SPINK4: variants seen among roughly 807,000 people sequenced by gnomAD.
SPINK4 encodes serine protease inhibitor Kazal-type 4.
Under a neutral mutation model 12.3 loss-of-function variants are expected in SPINK4, and 10 were observed. The observed-to-expected ratio is 0.81, with a 90% CI of 0.50 to 1.37. SPINK4 has a LOEUF of 1.37. Ranked by LOEUF, SPINK4 falls within the 40% of genes most tolerant of loss-of-function variation. The pLI, the probability that SPINK4 is intolerant of heterozygous loss-of-function variation, is 0.00. For missense variants in SPINK4, 91 were observed against 109.0 expected (o/e 0.84, Z 0.73); for synonymous variants, 37 against 40.2 (o/e 0.92, Z 0.30).
chr9:33,242,371 G>T (rs552478723), intron 1 of SPINK4, among the ~76,000 whole-genome samples: 32 of 152,294 alleles, frequency 2.1e-4, no homozygotes, highest in African/African-American at 7.5e-4. Context: ...TTCACTGGGG[G>T]GCAGCATCAA....
chr9:33,245,744 G>A (rs1310783236), intron 2 of SPINK4, among the ~76,000 whole-genome samples: 2 of 152,130 alleles, frequency 1.3e-5, no homozygotes, highest in East Asian at 1.9e-4. Flanking sequence ...CCTCAGCATC[G>A]TCCCCGTCAG....
intron 1 of SPINK4, among the ~76,000 whole-genome samples, chr9:33,244,211 T>C (rs1016259143): frequency 1.3e-5 from 2 of 152,234 alleles, no homozygotes; most frequent in Non-Finnish European, 2.9e-5. Context: ...TCATGTCCTT[T>C]AAGCAGTTCA....
intron 3 of SPINK4, 31 bp downstream of exon 3, chr9:33,246,759 G>T (rs1415779167): frequency 2.5e-6 from 4 of 1,600,256 alleles, no homozygotes; most frequent in Non-Finnish European, 3.4e-6. Context: ...CTGCTTGCTT[G>T]GGTGGGCCCC....
chr9:33,240,214 C>T lies in SPINK4; in HGVS notation c.6C>T (p.Ala2=), dbSNP rs145317369. 1.9e-5 allele frequency: 31 copies of T among 1,605,522 alleles called. No homozygotes were observed. The highest frequency in any genetic ancestry group is 5.6e-5 in the South Asian group (5 of 89,680). Reference sequence around the variant, plus strand: ...TACACTATCCCAGGATCAGCATGGCCGTCCGCCAGTGGGTAATCGCCCTGG... The same window carrying T: ...TACACTATCCCAGGATCAGCATGGCTGTCCGCCAGTGGGTAATCGCCCTGG... M[A]VRQWVIALAL... is the part of the protein sequence containing the mutation. Residue 2 remains alanine (A), a synonymous_variant, in exon 1 of 4, where the codon GCC becomes GCT. Coordinates refer to ENST00000379721, the MANE Select transcript of SPINK4 (RefSeq NM_014471.3).
At chr9:33,245,601 T>C (rs1313944464) in intron 2 of SPINK4, among the ~76,000 whole-genome samples, 1 of 152,198 alleles carries the variant, frequency 6.6e-6, no homozygotes, top group African/African-American at 2.4e-5. Context: ...CCCCGAATCC[T>C]GATTCCACCT....
intron 1 of SPINK4, 134 bp downstream of exon 1, chr9:33,240,403 T>C (rs1820221252): frequency 1.4e-6 from 1 of 727,452 alleles, no homozygotes; most frequent in South Asian, 2.3e-5. Flanking sequence ...ATATGCACCC[T>C]CCACTGTGCT....
chr9:33,241,570 G>A (rs1820235100), intron 1 of SPINK4, among the ~76,000 whole-genome samples: 1 of 152,218 alleles, frequency 6.6e-6, no homozygotes, highest in Non-Finnish European at 1.5e-5. Context: ...AACGGGTCTG[G>A]GGACCTGTTC....
At chr9:33,247,204 G>A (rs923568278) in intron 3 of SPINK4, among the ~76,000 whole-genome samples, 8 of 147,444 alleles carry the variant, frequency 5.4e-5, no homozygotes, top group Middle Eastern at 3.4e-3. Flanking sequence ...TGTCACTCAG[G>A]CTGGAGTGCA....
rs150384286 is a variant in SPINK4, at chr9:33,247,574, G to T, written c.215+846G>T. On this transcript the variant is annotated intron_variant, in intron 3 of 3. Coordinates refer to ENST00000379721, the MANE Select transcript of SPINK4 (RefSeq NM_014471.3). ...ATTCCAAGTAGATGAATTTGAAAAGGTCTACAAGGAAAAGTTTACATTTGA... is the reference window on the plus strand; with the variant it reads ...ATTCCAAGTAGATGAATTTGAAAAGTTCTACAAGGAAAAGTTTACATTTGA... 7.8e-4 allele frequency among the ~76,000 whole-genome samples: 118 copies of T among 152,254 alleles called. 1 individual carries two copies. Among genetic ancestry groups the T allele is most frequent in the African/African-American group, 2.8e-3 (115 of 41,548 alleles).
chr9:33,245,238 C>T (rs1820273912), intron 2 of SPINK4, 86 bp downstream of exon 2: 12 of 1,422,190 alleles, frequency 8.4e-6, no homozygotes, highest in African/African-American at 5.7e-5. Context: ...TTCTTCTCCA[C>T]GATCCTGCTC....
At position 33,245,145 on chromosome 9, in the gene SPINK4, C is replaced by T. The variant is rs1313852336; in HGVS notation, c.95C>T (p.Ser32Leu). The change falls in exon 2 of 4, where the codon TCA becomes TTA. Residue 32 changes from serine to leucine, a missense_variant. Coordinates refer to ENST00000379721, the MANE Select transcript of SPINK4 (RefSeq NM_014471.3). ...VPVAAGKLPF[S>L]RMPICEHMVE... ...GTGGCAGCAGGAAAGCTCCCTTTCTCAAGAATGGTAAGGCAGCTGCGTGTT... is the reference window on the plus strand; with the variant it reads ...GTGGCAGCAGGAAAGCTCCCTTTCTTAAGAATGGTAAGGCAGCTGCGTGTT... 2.5e-6 allele frequency: 4 copies of T among 1,613,728 alleles called. No homozygotes were observed. The highest frequency in any genetic ancestry group is 1.3e-5 in the African/African-American group (1 of 75,006).
intron 1 of SPINK4, among the ~76,000 whole-genome samples, chr9:33,243,257 G>A (rs939334290): frequency 5.9e-5 from 9 of 151,988 alleles, no homozygotes; most frequent in Admixed American, 5.9e-4. Flanking sequence ...ATTTTTAGTA[G>A]ATATGGGGTT....
intron 1 of SPINK4, 34 bp from the exon 2 acceptor site, chr9:33,245,078 G>T (rs480583): frequency 1.9e-6 from 3 of 1,609,794 alleles, no homozygotes; most frequent in Non-Finnish European, 2.5e-6. Context: ...GTCTAGAGCC[G>T]GCATAATCTA....
intron 1 of SPINK4, among the ~76,000 whole-genome samples, chr9:33,241,707 C>A (rs1268853693): frequency 6.6e-6 from 1 of 151,748 alleles, no homozygotes; most frequent in Non-Finnish European, 1.5e-5. Context: ...TTGTTTTTTG[C>A]ACATTTCAGA....
Position 33,240,205 on chromosome 9 carries a change from C to T in SPINK4, c.-4C>T, listed in dbSNP as rs1174194850. ...AGCTCAGGCTACACTATCCCAGGAT[C>T]AGCATGGCCGTCCGCCAGTGGGTAA... On this transcript the variant is annotated 5_prime_UTR_variant, in exon 1 of 4. Coordinates refer to ENST00000379721, the MANE Select transcript of SPINK4 (RefSeq NM_014471.3). 1.9e-6 allele frequency: 3 copies of T among 1,604,090 alleles called. No individual in the cohort carries two copies. Among genetic ancestry groups the T allele is most frequent in the Non-Finnish European group, 2.6e-6 (3 of 1,175,586 alleles).
chr9:33,241,562 C>T (rs1387518509), intron 1 of SPINK4, among the ~76,000 whole-genome samples: 4 of 152,214 alleles, frequency 2.6e-5, no homozygotes, highest in Admixed American at 6.5e-5. Context: ...GAAAGGGAAA[C>T]GGGTCTGGGG....
rs181829599 is a variant in SPINK4 at position 33,241,066 on chromosome 9, C to T, written c.61+797C>T. Among the ~76,000 whole-genome samples, 16 of 152,056 alleles carry T rather than the reference C, an allele frequency of 1.1e-4. No individual in the cohort carries two copies. In the East Asian group the frequency reaches 2.5e-3, roughly 24 times the overall value. ...AATCAGGGGAGGTATCTCTGAGAGT[C>T]CGATGTTTGAGCAAAGCTTGAAGGA... is the stretch of plus-strand genomic sequence containing the variant. On this transcript the variant is annotated intron_variant, in intron 1 of 3. Transcript: ENST00000379721.
intron 1 of SPINK4, among the ~76,000 whole-genome samples, chr9:33,243,353 G>A (rs138559869): frequency 1.2e-4 from 19 of 152,234 alleles, no homozygotes; most frequent in East Asian, 9.7e-4. Flanking sequence ...GATTACAGGT[G>A]TGTGCTACTG....
chr9:33,242,257 C>CT (rs753634183), intron 1 of SPINK4, among the ~76,000 whole-genome samples: 23 of 152,166 alleles, frequency 1.5e-4, no homozygotes, highest in Non-Finnish European at 3.1e-4. Flanking sequence ...AGCTCAGGTG[C>CT]ATAGGGAGGC....
Sources: allele counts gnomAD v4.1 joint callset (sites outside exome capture counted in the v4.1 genomes callset), GRCh38; gene constraint gnomAD v4.1.1; transcripts MANE v1.5; gene names NCBI Gene and HGNC (gene_info 2026-07-23, HGNC 2026-07-21).